OSBPL8: variants seen among roughly 807,000 people sequenced by gnomAD.
OSBPL8 encodes the protein oxysterol binding protein like 8.
Under a neutral mutation model 125.5 loss-of-function variants are expected in OSBPL8, and 59 were observed. The ratio of observed to expected loss-of-function variants is 0.47; its 90% CI spans 0.38 to 0.58. The LOEUF (loss-of-function observed/expected upper bound fraction) is 0.58. OSBPL8 is among the 20% of genes least tolerant of loss of function. The pLI is 0.00. For synonymous variants in OSBPL8, 330 were observed against 338.9 expected, an observed-to-expected ratio of 0.97 and a Z score of 0.29; for missense variants, 758 against 1,047.8, an observed-to-expected ratio of 0.72 and a Z score of 3.82.
At chr12:76,555,027 T>C (rs1951052533) in intron 1 of OSBPL8, among the ~76,000 whole-genome samples, 1 of 152,206 alleles carries the variant, frequency 6.6e-6, no homozygotes. Context: ...AAAGCTTAGA[T>C]AAGAAATAAT....
intron 2 of OSBPL8, among the ~76,000 whole-genome samples, chr12:76,475,030 T>C (rs1876635129): frequency 6.6e-6 from 1 of 152,246 alleles, no homozygotes; most frequent in African/African-American, 2.4e-5. Context: ...GAGATTTGGT[T>C]GGACTTTTAA....
intron 14 of OSBPL8, among the ~76,000 whole-genome samples, chr12:76,385,138 T>C (rs2136267162): frequency 6.6e-6 from 1 of 152,312 alleles, no homozygotes; most frequent in South Asian, 2.1e-4. Context: ...AGCTTCTTAA[T>C]TTCATGAAGA....
intron 1 of OSBPL8, among the ~76,000 whole-genome samples, chr12:76,542,767 C>T (rs1008508042): frequency 6.6e-6 from 1 of 152,216 alleles, no homozygotes; most frequent in African/African-American, 2.4e-5. Flanking sequence ...TAATAGTTTT[C>T]AAGAGACTTG....
At chr12:76,372,936 A>G (rs923737139) in intron 18 of OSBPL8, among the ~76,000 whole-genome samples, 1 of 152,148 alleles carries the variant, frequency 6.6e-6, no homozygotes, top group Non-Finnish European at 1.5e-5. Context: ...TTGTTCCACT[A>G]CCTACTTTGA....
chr12:76,440,336 G>T (rs943236836), intron 4 of OSBPL8, among the ~76,000 whole-genome samples: 2 of 151,924 alleles, frequency 1.3e-5, no homozygotes, highest in African/African-American at 4.8e-5. Context: ...AGCATCTGGT[G>T]GTGACGGTAT....
chr12:76,441,445 C>T (rs1410315946), intron 4 of OSBPL8, among the ~76,000 whole-genome samples: 1 of 152,026 alleles, frequency 6.6e-6, no homozygotes, highest in Non-Finnish European at 1.5e-5. Context: ...TATTACTTGG[C>T]TACATATTTA....
chr12:76,533,838 G>A (rs1019483021), intron 1 of OSBPL8, among the ~76,000 whole-genome samples: 6 of 152,108 alleles, frequency 3.9e-5, no homozygotes, highest in Admixed American at 3.9e-4. Flanking sequence ...TAATTCAAAT[G>A]CATAACCAAC....
chr12:76,507,590 C>G (rs571204903), intron 1 of OSBPL8, among the ~76,000 whole-genome samples: 111 of 151,616 alleles, frequency 7.3e-4, no homozygotes, highest in Non-Finnish European at 1.3e-3. Flanking sequence ...GAGGCCTAGG[C>G]AGGTGGATCA....
intron 16 of OSBPL8, among the ~76,000 whole-genome samples, chr12:76,378,226 C>T (rs566228875): frequency 2.6e-5 from 4 of 152,268 alleles, no homozygotes; most frequent in African/African-American, 7.2e-5. Flanking sequence ...AAATCAGTCT[C>T]TTCTGACTAA....
At chr12:76,392,777 A>C (rs753483610) in intron 9 of OSBPL8, 25 bp from the exon 10 acceptor site, 2 of 1,554,416 alleles carry the variant, frequency 1.3e-6, no homozygotes, top group Admixed American at 1.8e-5. Context: ...ATTCATAAGC[A>C]CTATAATTTT....
chr12:76,441,685 T>C (rs1398000538), intron 4 of OSBPL8, among the ~76,000 whole-genome samples: 1 of 151,986 alleles, frequency 6.6e-6, no homozygotes, highest in Non-Finnish European at 1.5e-5. Context: ...TAAAAGAACA[T>C]TTTTTCAAGG....
intron 1 of OSBPL8, among the ~76,000 whole-genome samples, chr12:76,508,065 C>T (rs1880592172): frequency 6.7e-6 from 1 of 149,684 alleles, no homozygotes; most frequent in Non-Finnish European, 1.5e-5. Flanking sequence ...CAGCTACTCG[C>T]AAGGCTGAGG....
chr12:76,510,609 G>A (rs567027478), intron 1 of OSBPL8, among the ~76,000 whole-genome samples: 35 of 152,276 alleles, frequency 2.3e-4, no homozygotes, highest in African/African-American at 6.7e-4. Flanking sequence ...ACTGGGTGCA[G>A]TGGCTCACGC....
At chr12:76,510,881 C>CAAA (rs71445235) in intron 1 of OSBPL8, among the ~76,000 whole-genome samples, 30 of 106,424 alleles carry the variant, frequency 2.8e-4, no homozygotes, top group Admixed American at 4.9e-4. Flanking sequence ...AACCCCATCT[C>CAAA]AAAAAAAAAA....
intron 1 of OSBPL8, among the ~76,000 whole-genome samples, chr12:76,549,886 T>C (rs1048565077): frequency 6.6e-6 from 1 of 152,022 alleles, no homozygotes; most frequent in Non-Finnish European, 1.5e-5. Flanking sequence ...AAGAGTTATT[T>C]GAAGATGTAC....
intron 4 of OSBPL8, among the ~76,000 whole-genome samples, chr12:76,424,697 T>C (rs760768850): frequency 6.6e-6 from 1 of 152,170 alleles, no homozygotes; most frequent in Non-Finnish European, 1.5e-5. Flanking sequence ...GTAGTACTGA[T>C]ATTATAGGAT....
intron 1 of OSBPL8, among the ~76,000 whole-genome samples, chr12:76,490,804 C>A (rs1365143352): frequency 6.6e-6 from 1 of 152,244 alleles, no homozygotes; most frequent in Admixed American, 6.5e-5. Flanking sequence ...AACACTTAAG[C>A]CACCCACAGA....
At chr12:76,503,660 T>A (rs1880125696) in intron 1 of OSBPL8, among the ~76,000 whole-genome samples, 2 of 152,152 alleles carry the variant, frequency 1.3e-5, no homozygotes, top group South Asian at 4.2e-4. Context: ...TGCCTCAGCC[T>A]CCCGAGTAGC....
chr12:76,434,947 G>T (rs1871266982), intron 4 of OSBPL8, among the ~76,000 whole-genome samples: 1 of 152,080 alleles, frequency 6.6e-6, no homozygotes, highest in South Asian at 2.1e-4. Context: ...CAGTATGAAG[G>T]TTATTCAAAA....
Sources: gnomAD v4.1 joint callset for allele counts (sites outside exome capture counted in the v4.1 genomes callset) on GRCh38, gnomAD v4.1.1 for gene constraint, MANE v1.5 for transcripts, NCBI Gene and HGNC (gene_info 2026-07-23, HGNC 2026-07-21) for gene names.